TUBGCP6: variants seen among roughly 807,000 people sequenced by gnomAD.
TUBGCP6 encodes tubulin gamma complex component 6, also known as gamma-tubulin complex component 6.
Under a neutral mutation model 175.8 loss-of-function variants are expected in TUBGCP6, and 161 were observed. That is an observed-to-expected ratio of 0.92 (90% confidence interval 0.81 to 1.04). TUBGCP6 has a LOEUF of 1.04. TUBGCP6 is among the 50% of genes least tolerant of loss of function. The pLI, the probability that TUBGCP6 is intolerant of heterozygous loss-of-function variation, is 0.00. For synonymous variants in TUBGCP6, 1,173 were observed against 1,030.5 expected (o/e 1.14, Z -2.65); for missense variants, 2,572 against 2,433.0 (o/e 1.06, Z -1.20).
chr22:50,237,704 G>C (rs902777735), intron 2 of TUBGCP6, among the ~76,000 whole-genome samples: 1 of 152,090 alleles, frequency 6.6e-6, no homozygotes, highest in Non-Finnish European at 1.5e-5. Context: ...AGGAACCACC[G>C]CCGGGCCCCA....
chr22:50,238,313 G>A (rs2064800917), intron 2 of TUBGCP6, among the ~76,000 whole-genome samples: 1 of 151,154 alleles, frequency 6.6e-6, no homozygotes, highest in African/African-American at 2.4e-5. Context: ...GGGCATGGTG[G>A]CAGGTGCCTG....
At chr22:50,234,329 C>T (rs1300748472) in intron 2 of TUBGCP6, among the ~76,000 whole-genome samples, 1 of 6,046 alleles carries the variant, frequency 1.7e-4, no homozygotes. Flanking sequence ...ACACCCCTGT[C>T]CACAGCAGCA....
intron 1 of TUBGCP6, 29 bp downstream of exon 1, chr22:50,243,690 G>A: frequency 6.4e-7 from 1 of 1,572,582 alleles, no homozygotes; most frequent in Non-Finnish European, 8.6e-7. Flanking sequence ...CCCCGAGAGA[G>A]ATGAAAGAGG....
chr22:50,225,755 G>A (rs2147187410), intron 10 of TUBGCP6, 39 bp downstream of exon 10: 4 of 1,583,996 alleles, frequency 2.5e-6, no homozygotes, highest in East Asian at 4.5e-5. Flanking sequence ...AGCAGAGGCA[G>A]GGGCGAAGAA....
chr22:50,227,989 G>A lies in TUBGCP6; in HGVS notation c.1330C>T (p.Arg444Trp), dbSNP rs745791584. 1.7e-5 allele frequency: 27 copies of A among 1,569,796 alleles called. No individual in the cohort carries two copies. Among genetic ancestry groups the A allele is most frequent in the East Asian group, 4.6e-5 (2 of 43,516 alleles). The change falls in exon 5 of 25, where the codon CGG becomes TGG. Residue 444 changes from arginine to tryptophan, a missense_variant. Transcript: ENST00000248846. ...GGCGGAGTGGAAAGGACGCAGGCCCGGTAATACTGCAGGTACCTCCTCAGG... is the reference window on the plus strand; with the variant it reads ...GGCGGAGTGGAAAGGACGCAGGCCCAGTAATACTGCAGGTACCTCCTCAGG... The part of the protein sequence containing the change: ...SGLRRYLQYY[R>W]ACVLSTPPTL...
chr22:50,229,667 C>A, intron 3 of TUBGCP6, 90 bp from the exon 4 acceptor site: 1 of 1,385,594 alleles, frequency 7.2e-7, no homozygotes. Flanking sequence ...CACCCAACCC[C>A]ACGCCACCTA....
chr22:50,242,778 G>A (rs978364728), intron 1 of TUBGCP6, among the ~76,000 whole-genome samples: 2 of 152,204 alleles, frequency 1.3e-5, no homozygotes, highest in Non-Finnish European at 2.9e-5. Context: ...TGGCTTGTGG[G>A]GCTGAGGAAC....
Position 50,244,063 on chromosome 22 carries a change from A to C in TUBGCP6, c.397T>G (p.Phe133Val). The C allele has an allele frequency of 6.2e-7, 1 of 1,614,038 alleles. No homozygotes were observed. Among genetic ancestry groups the C allele is most frequent in the Admixed American group, 1.7e-5 (1 of 60,018 alleles). ...CTCCCCACATGCTTGTTGTTAAGGAAGTAGTCTCGTTTTCTCGGCAGAACT... is the reference window on the plus strand; with the variant it reads ...CTCCCCACATGCTTGTTGTTAAGGACGTAGTCTCGTTTTCTCGGCAGAACT... ...PQVLPRKRDY[F>V]LNNKHVGRNV... The change falls in exon 1 of 25, where the codon TTC becomes GTC. Residue 133 changes from phenylalanine (F) to valine (V), a missense_variant. Physicochemically the swap from Phe to Val is conservative, Grantham distance 50 (BLOSUM62 -1). Coordinates refer to ENST00000248846, the MANE Select transcript of TUBGCP6 (RefSeq NM_020461.4).
chr22:50,239,899 C>T (rs1442240299), intron 2 of TUBGCP6, among the ~76,000 whole-genome samples: 4 of 152,122 alleles, frequency 2.6e-5, no homozygotes, highest in Admixed American at 6.5e-5. Context: ...GTTACTGGCA[C>T]GGGGAGGGGA....
intron 7 of TUBGCP6, 68 bp downstream of exon 7, chr22:50,226,665 G>C (rs924755987): frequency 7.5e-7 from 1 of 1,335,432 alleles, no homozygotes; most frequent in Non-Finnish European, 1.0e-6. Flanking sequence ...TGTCTGACAA[G>C]GGACCGCTCT....
At chr22:50,233,092 T>A (rs565086960) in intron 3 of TUBGCP6, among the ~76,000 whole-genome samples, 145 of 152,364 alleles carry the variant, frequency 9.5e-4, no homozygotes, top group African/African-American at 3.4e-3. Context: ...AATAAACATG[T>A]TATTTCTCTG....
At chr22:50,231,555 T>C (rs1439844701) in intron 3 of TUBGCP6, among the ~76,000 whole-genome samples, 2 of 151,484 alleles carry the variant, frequency 1.3e-5, no homozygotes, top group Non-Finnish European at 2.9e-5. Context: ...TTAGCTAGAA[T>C]AATTAAGAAA....
chr22:50,219,131 C>T lies in TUBGCP6; in HGVS notation c.4563G>A (p.Arg1521=), dbSNP rs961921122. The T allele has an allele frequency of 1.2e-6, 2 of 1,613,078 alleles. No individual in the cohort carries two copies. The highest frequency in any genetic ancestry group is 1.3e-5 in the African/African-American group (1 of 75,066). ...CGCCGTCCTCCATCAGCAGGAAGTG[C>T]CGCAGTGCCTCATAGTGCGCCTCCA... The part of the protein sequence containing the change: ...LHLEAHYEAL[R]HFLLMEDGEF... The change falls in exon 20 of 25, where the codon CGG becomes CGA. Residue 1521 remains arginine, a synonymous_variant. Coordinates refer to ENST00000248846, the MANE Select transcript of TUBGCP6 (RefSeq NM_020461.4).
chr22:50,244,030 G>T lies in TUBGCP6; in HGVS notation c.430C>A (p.Pro144Thr). ...TCGTCGCAATCATAGCCGCTGTACG[G>T]AACGTTTCTCCCCACATGCTTGTTG... ...LNNKHVGRNV[P>T]YSGYDCDDLS... The change falls in exon 1 of 25, where the codon CCG (proline) becomes ACG (threonine). Residue 144 changes from proline to threonine, a missense_variant. By Grantham distance (38) the Pro-to-Thr change is conservative (BLOSUM62 -1). Transcript: ENST00000248846. 6.2e-7 allele frequency: 1 copy of T among 1,614,116 alleles called. No individual in the cohort carries two copies. Among genetic ancestry groups the T allele is most frequent in the South Asian group, 1.1e-5 (1 of 91,082 alleles).
In TUBGCP6 at chr22:50,220,086, C is replaced by T. The variant is rs1339406033; in HGVS notation, c.4109-71G>A. On this transcript the variant is annotated intron_variant, in intron 16 of 24. Coordinates refer to ENST00000248846, the MANE Select transcript of TUBGCP6 (RefSeq NM_020461.4). ...GTGGCGGGTACAGAGCCGAGCCGGC[C>T]CTGGCTCAAGCAGCCCCTCCCATGT... 2.6e-6 allele frequency: 4 copies of T among 1,565,978 alleles called. No homozygotes were observed. The African/African-American group carries it at 5.4e-5, about 21-fold the overall frequency.
chr22:50,221,262 C>T lies in TUBGCP6; in HGVS notation c.3097G>A (p.Gly1033Ser), dbSNP rs1315135108. The change falls in exon 16 of 25, where the codon GGT becomes AGT. Residue 1033 changes from glycine (G) to serine (S), a missense_variant. Gly to Ser is a moderately conservative substitution (Grantham distance 56). Transcript: ENST00000248846. ...ERLFGQVSGGGLPTGDYASEI... is the reference protein window; with the variant it reads ...ERLFGQVSGGSLPTGDYASEI... ...GAAGCGTAGTCCCCTGTGGGAAGAC[C>T]ACCCCCTGACACCTGCCCAAAGAGC... The T allele has an allele frequency of 1.2e-6, 2 of 1,613,966 alleles. No individual in the cohort carries two copies. The highest frequency in any genetic ancestry group is 1.7e-6 in the Non-Finnish European group (2 of 1,180,050).
chr22:50,229,551 C>A lies in TUBGCP6; in HGVS notation c.1143G>T (p.Arg381=). 1 of 1,599,010 alleles carries A rather than the reference C, an allele frequency of 6.3e-7. No individual in the cohort carries two copies. Among genetic ancestry groups the A allele is most frequent in the Non-Finnish European group, 8.5e-7 (1 of 1,173,534 alleles). The change falls in exon 4 of 25, where the codon CGG becomes CGT. Residue 381 remains arginine, a synonymous_variant. Transcript: ENST00000248846. ...CQPAQAFVVK[R]GVHVSGASPE... ...GAGACGCTCCTGACACGTGGACGCC[C>A]CGCTTCACCACAAAGGCCTGGGCCG...
rs143846488 is a variant in TUBGCP6 at position 50,218,093 on chromosome 22, C to T, written c.5193G>A (p.Ala1731=). The change falls in exon 24 of 25, where the codon GCG becomes GCA. Residue 1731 remains alanine (A), a synonymous_variant. Transcript: ENST00000248846. The part of the protein sequence containing the change: ...VFRGLLTEKA[A]PVMNVIHSIF... Reference sequence around the variant, plus strand: ...TGCTGTGGATGACGTTCATGACGGGCGCCGCCTTCTCCGTGAGCAGGCCCC... The same window carrying T: ...TGCTGTGGATGACGTTCATGACGGGTGCCGCCTTCTCCGTGAGCAGGCCCC... 2.1e-5 allele frequency: 34 copies of T among 1,612,792 alleles called. No homozygotes were observed. In the Middle Eastern group the frequency reaches 6.6e-4, roughly 31 times the overall value.
chr22:50,237,458 G>A (rs530192311), intron 2 of TUBGCP6, among the ~76,000 whole-genome samples: 22 of 152,370 alleles, frequency 1.4e-4, no homozygotes, highest in Admixed American at 3.9e-4. Context: ...GGGGCCGTGG[G>A]ATCAGGGAGT....
Sources: gnomAD v4.1 joint callset for allele counts (sites outside exome capture counted in the v4.1 genomes callset) on GRCh38, gnomAD v4.1.1 for gene constraint, MANE v1.5 for transcripts, NCBI Gene and HGNC (gene_info 2026-07-23, HGNC 2026-07-21) for gene names.